The following CSMD1 variants were observed in gnomAD, a reference collection of about 807,000 sequenced individuals.
The protein encoded by CSMD1 is CUB and sushi domain-containing protein 1.
CSMD1 carries 213 observed loss-of-function variants against 417.5 expected under a neutral mutation model. That is an observed-to-expected ratio of 0.51 (90% CI 0.46 to 0.57). The LOEUF is 0.57. CSMD1 is among the 20% of genes least tolerant of loss of function. The probability of loss-of-function intolerance (pLI) is 0.00; values close to 1 mark genes in which losing one functional copy is unlikely to be tolerated. For missense variants in CSMD1, 6,923 were observed against 4,529.7 expected, an observed-to-expected ratio of 1.53 and a Z score of -15.17; for synonymous variants, 2,862 against 1,736.8, an observed-to-expected ratio of 1.65 and a Z score of -16.11.
At chr8:3,274,412 G>A (rs1396563043) in intron 26 of CSMD1, among the ~76,000 whole-genome samples, 2 of 152,152 alleles carry the variant, frequency 1.3e-5, no homozygotes, top group African/African-American at 4.8e-5. Context: ...CTGTTGATTT[G>A]GGGTGGAGAG....
intron 6 of CSMD1, among the ~76,000 whole-genome samples, chr8:3,745,078 C>A (rs541211928): frequency 6.6e-6 from 1 of 152,294 alleles, no homozygotes; most frequent in South Asian, 2.1e-4. Context: ...CCATTATGGA[C>A]ATACAAGCTG....
chr8:4,766,268 G>A (rs536414341), intron 1 of CSMD1, among the ~76,000 whole-genome samples: 6 of 152,246 alleles, frequency 3.9e-5, no homozygotes, highest in South Asian at 4.2e-4. Context: ...ATATCCTGTC[G>A]TGACTATCTT....
chr8:4,684,769 C>A (rs1285640967), intron 1 of CSMD1, among the ~76,000 whole-genome samples: 1 of 152,168 alleles, frequency 6.6e-6, no homozygotes, highest in Non-Finnish European at 1.5e-5. Flanking sequence ...TAAATTTCAA[C>A]TGATTTGATT....
chr8:3,432,988 G>A (rs1448692256), intron 12 of CSMD1, among the ~76,000 whole-genome samples: 3 of 152,066 alleles, frequency 2.0e-5, no homozygotes, highest in Non-Finnish European at 4.4e-5. Flanking sequence ...AGTAGCAGAT[G>A]GCATACAAAA....
chr8:4,554,593 T>C (rs1798009621), intron 2 of CSMD1, among the ~76,000 whole-genome samples: 1 of 152,212 alleles, frequency 6.6e-6, no homozygotes, highest in African/African-American at 2.4e-5. Flanking sequence ...CATTTAAATA[T>C]CATACACCGT....
chr8:4,623,067 G>C (rs770084236), intron 2 of CSMD1, among the ~76,000 whole-genome samples: 8 of 152,120 alleles, frequency 5.3e-5, no homozygotes, highest in Non-Finnish European at 1.0e-4. Context: ...GATAAATGTT[G>C]GTGGAAGGAA....
At chr8:3,599,987 G>A (rs113142987) in intron 8 of CSMD1, among the ~76,000 whole-genome samples, 22 of 152,322 alleles carry the variant, frequency 1.4e-4, no homozygotes, top group African/African-American at 4.8e-4. Flanking sequence ...GCTCCTGGCA[G>A]CATCATTGTG....
intron 3 of CSMD1, among the ~76,000 whole-genome samples, chr8:4,036,706 A>C (rs1196312969): frequency 1.3e-5 from 2 of 152,236 alleles, no homozygotes; most frequent in Non-Finnish European, 2.9e-5. Flanking sequence ...TATCTGACGT[A>C]AAGGATCCTT....
intron 1 of CSMD1, among the ~76,000 whole-genome samples, chr8:4,820,403 C>A (rs138898521): frequency 1.3e-5 from 2 of 152,038 alleles, no homozygotes; most frequent in South Asian, 4.1e-4. Flanking sequence ...GCTTGCTTGG[C>A]AATTAAAATA....
At chr8:4,224,250 T>C (rs1220342543) in intron 3 of CSMD1, among the ~76,000 whole-genome samples, 1 of 149,656 alleles carries the variant, frequency 6.7e-6, no homozygotes, top group African/African-American at 2.5e-5. Flanking sequence ...AAAAATAATT[T>C]GAAAATGCTT....
At chr8:3,263,746 G>C (rs1408135533) in intron 26 of CSMD1, among the ~76,000 whole-genome samples, 1 of 152,126 alleles carries the variant, frequency 6.6e-6, no homozygotes, top group Non-Finnish European at 1.5e-5. Flanking sequence ...AGATGGCATT[G>C]TAAAGTCAAC....
intron 6 of CSMD1, among the ~76,000 whole-genome samples, chr8:3,725,113 A>G (rs1802407875): frequency 6.6e-6 from 1 of 152,318 alleles, no homozygotes; most frequent in South Asian, 2.1e-4. Flanking sequence ...GTGAGTTTTC[A>G]GCAAAGGAGG....
intron 25 of CSMD1, among the ~76,000 whole-genome samples, chr8:3,292,870 T>A (rs1468115037): frequency 1.3e-5 from 2 of 152,154 alleles, no homozygotes; most frequent in Non-Finnish European, 2.9e-5. Context: ...CCTGTCATTA[T>A]GATGTTAGCT....
At chr8:4,960,409 C>A (rs1809400499) in intron 1 of CSMD1, among the ~76,000 whole-genome samples, 1 of 152,190 alleles carries the variant, frequency 6.6e-6, no homozygotes, top group South Asian at 2.1e-4. Context: ...ACCGATCTCA[C>A]TCTTCTTTCC....
intron 3 of CSMD1, among the ~76,000 whole-genome samples, chr8:4,073,931 T>A (rs1799690033): frequency 6.6e-6 from 1 of 152,198 alleles, no homozygotes; most frequent in East Asian, 1.9e-4. Flanking sequence ...ATACAGACGG[T>A]TTTTGACGGT....
chr8:4,263,672 A>T (rs568171567), intron 3 of CSMD1, among the ~76,000 whole-genome samples: 1 of 152,320 alleles, frequency 6.6e-6, no homozygotes, highest in South Asian at 2.1e-4. Context: ...TATAATTTTG[A>T]ATTATTTATA....
rs1585057426 is a variant in CSMD1 at position 3,972,897 on chromosome 8, A to C, written c.818+25006T>G. The stretch of plus-strand genomic sequence containing the variant: ...AAAAATAAAAACCATCAAAATGTAA[A>C]AATGGAAAACAACCTAAATGGGCAA... On this transcript the variant is annotated intron_variant, in intron 5 of 69. Transcript: ENST00000635120. Among the ~76,000 whole-genome samples the C allele has an allele frequency of 2.0e-5, 3 of 152,234 alleles. No homozygotes were observed. In the East Asian group the frequency reaches 5.8e-4, roughly 29 times the overall value.
At chr8:4,606,145 T>A (rs1211532505) in intron 2 of CSMD1, among the ~76,000 whole-genome samples, 1 of 152,168 alleles carries the variant, frequency 6.6e-6, no homozygotes, top group Middle Eastern at 3.2e-3. Flanking sequence ...ACACTAATAC[T>A]GAGCTTCTAA....
intron 1 of CSMD1, among the ~76,000 whole-genome samples, chr8:4,660,358 T>C (rs1419753338): frequency 7.9e-6 from 1 of 126,520 alleles, no homozygotes; most frequent in Non-Finnish European, 1.6e-5. Flanking sequence ...ACATACAGGA[T>C]GTGTTTGCTG....
Sources: gnomAD v4.1 joint callset for allele counts (sites outside exome capture counted in the v4.1 genomes callset) on GRCh38, gnomAD v4.1.1 for gene constraint, MANE v1.5 for transcripts, NCBI Gene and HGNC (gene_info 2026-07-23, HGNC 2026-07-21) for gene names.